Variants in CPLANE1 observed in about 807,000 individuals in gnomAD.
The protein encoded by CPLANE1 is ciliogenesis and planar polarity effector complex subunit 1, also known as ciliogenesis and planar polarity effector 1.
A neutral mutation model predicts 362.5 loss-of-function variants in CPLANE1; 263 were observed. The observed-to-expected ratio is 0.73, with a 90% CI of 0.66 to 0.80. The LOEUF (loss-of-function observed/expected upper bound fraction) is 0.80, where lower values mean the gene tolerates loss of function less well. Among genes scored for constraint, CPLANE1 ranks in the 30% least tolerant of loss-of-function variants. The probability of loss-of-function intolerance (pLI) is 0.00; values close to 1 mark genes in which losing one functional copy is unlikely to be tolerated. For synonymous variants in CPLANE1, 1,212 were observed against 1,302.6 expected, an observed-to-expected ratio of 0.93 and a Z score of 1.50; for missense variants, 3,461 against 3,793.4, an observed-to-expected ratio of 0.91 and a Z score of 2.30.
At chr5:37,084,583 C>A in the CPLANE1 span, among the ~76,000 whole-genome samples, 53 of 152,002 alleles carry the variant, frequency 3.5e-4, 1 homozygote, top group East Asian at 0.01. Flanking sequence ...TTTGTGAGAC[C>A]AGCCTGACCA....
chr5:37,162,678 T>C, intron 37 of CPLANE1, 112 bp from the exon 38 acceptor site: 1 of 696,704 alleles, frequency 1.4e-6, no homozygotes, highest in East Asian at 2.7e-5. Context: ...GTCAGGATGT[T>C]ATTAAATTTT....
intron 34 of CPLANE1, among the ~76,000 whole-genome samples, chr5:37,167,838 A>C (rs902543894): frequency 6.6e-6 from 1 of 152,192 alleles, no homozygotes; most frequent in African/African-American, 2.4e-5. Context: ...TCCAGCATTT[A>C]ACTTAAAATT....
intron 4 of CPLANE1, among the ~76,000 whole-genome samples, chr5:37,244,812 G>A (rs760723891): frequency 3.3e-5 from 5 of 152,054 alleles, no homozygotes; most frequent in Non-Finnish European, 5.9e-5. Context: ...TTAAGGAGAC[G>A]GATCGCTTTA....
chr5:37,139,563 T>A (rs2150368675), intron 44 of CPLANE1, 193 bp from the exon 45 acceptor site: 1 of 1,083,768 alleles, frequency 9.2e-7, no homozygotes, highest in East Asian at 4.9e-5. Flanking sequence ...ACTGTCTACA[T>A]ATTTTTTGAG....
rs1458270148 is a variant in CPLANE1, at chr5:37,120,245, C to T, written c.9281G>A (p.Gly3094Glu). 6.2e-7 allele frequency: 1 copy of T among 1,603,518 alleles called. No homozygotes were observed. The highest frequency in any genetic ancestry group is 8.5e-7 in the Non-Finnish European group (1 of 1,177,246). Reference sequence around the variant, plus strand: ...TGGCCAAGGTGAGCCTTGAGGTTGCCCAAAAGACTTCCTCTTATGGATATA... The same window carrying T: ...TGGCCAAGGTGAGCCTTGAGGTTGCTCAAAAGACTTCCTCTTATGGATATA... The part of the protein sequence containing the change: ...PSYIHKRKSF[G>E]QPQGSPWPHG... Residue 3094 changes from glycine to glutamate, a missense_variant, in exon 50 of 53, where the codon GGG becomes GAG. Physicochemically the swap from Gly to Glu is moderately conservative, Grantham distance 98. Coordinates refer to ENST00000651892, the MANE Select transcript of CPLANE1 (RefSeq NM_001384732.1).
intron 46 of CPLANE1, among the ~76,000 whole-genome samples, chr5:37,129,680 T>TA (rs1322031210): frequency 6.6e-6 from 1 of 151,868 alleles, no homozygotes; most frequent in Non-Finnish European, 1.5e-5. Context: ...GAAATGCAAA[T>TA]AAAAAACCAC....
chr5:37,105,975 C>T (rs1757574079), downstream of CPLANE1, among the ~76,000 whole-genome samples: 1 of 152,058 alleles, frequency 6.6e-6, no homozygotes, highest in African/African-American at 2.4e-5. Context: ...CGCTGCACCC[C>T]AGTTAAAATG....
intron 47 of CPLANE1, 58 bp downstream of exon 47, chr5:37,125,186 C>A: frequency 1.3e-6 from 2 of 1,512,594 alleles, no homozygotes; most frequent in Non-Finnish European, 1.8e-6. Flanking sequence ...TAAAATTTTG[C>A]CAGGAAAGTA....
intron 15 of CPLANE1, 83 bp downstream of exon 15, chr5:37,221,241 C>T: frequency 1.2e-6 from 1 of 836,360 alleles, no homozygotes; most frequent in African/African-American, 1.8e-5. Context: ...ATTACTTGAG[C>T]TCAGGGGTTT....
chr5:37,243,195 T>C, intron 5 of CPLANE1, 76 bp from the exon 6 acceptor site: 1 of 783,762 alleles, frequency 1.3e-6, no homozygotes, highest in East Asian at 3.0e-5. Context: ...CATATATATA[T>C]TCCTCATCAT....
chr5:37,240,999 G>A (rs986727419), intron 6 of CPLANE1, among the ~76,000 whole-genome samples: 2 of 151,616 alleles, frequency 1.3e-5, no homozygotes, highest in Admixed American at 1.3e-4. Context: ...AGCCAGCCGT[G>A]GGGGTGCGCA....
At chr5:37,115,134 T>A in intron 50 of CPLANE1, 85 bp from the exon 51 acceptor site, 1 of 887,822 alleles carries the variant, frequency 1.1e-6, no homozygotes, top group Non-Finnish European at 1.8e-6. Context: ...GACAGACACC[T>A]TGGTGATCAG....
At chr5:37,162,342 G>C in intron 38 of CPLANE1, 123 bp downstream of exon 38, 1 of 624,014 alleles carries the variant, frequency 1.6e-6, no homozygotes, top group East Asian at 2.8e-5. Flanking sequence ...GAAAAATCTA[G>C]GCAGAGTAAA....
chr5:37,208,917 G>A (rs1404708286), intron 16 of CPLANE1, among the ~76,000 whole-genome samples: 5 of 149,286 alleles, frequency 3.3e-5, no homozygotes, highest in African/African-American at 1.0e-4. Flanking sequence ...TTGCAGTTAG[G>A]ATAAATCTGT....
intron 24 of CPLANE1, among the ~76,000 whole-genome samples, chr5:37,185,639 A>C (rs978413520): frequency 6.6e-6 from 1 of 152,162 alleles, no homozygotes; most frequent in Non-Finnish European, 1.5e-5. Context: ...CAAATACAAT[A>C]TATTAATAGA....
intron 7 of CPLANE1, among the ~76,000 whole-genome samples, chr5:37,239,274 C>T (rs1207753919): frequency 6.6e-6 from 1 of 152,032 alleles, no homozygotes; most frequent in Non-Finnish European, 1.5e-5. Flanking sequence ...GGATTAAACA[C>T]CACCAACTTA....
At position 37,221,334 on chromosome 5, in the gene CPLANE1, T is replaced by C; in HGVS notation, c.2736A>G (p.Lys912=). 1 of 1,491,514 alleles carries C rather than the reference T, an allele frequency of 6.7e-7. No homozygotes were observed. Among genetic ancestry groups the C allele is most frequent in the Non-Finnish European group, 8.9e-7 (1 of 1,126,078 alleles). 92.4% of individuals were successfully genotyped at this position (1,491,514 alleles called of 1,614,324 possible). A position where few individuals can be genotyped will look rare whatever the true frequency, so the allele number is the denominator to read the frequency against. Residue 912 remains lysine (K), a synonymous_variant, in exon 15 of 53, where the codon AAA becomes AAG. Coordinates refer to ENST00000651892, the MANE Select transcript of CPLANE1 (RefSeq NM_001384732.1). ...AAAAAAAAAGCATACCTGAAAAATCTTTATTTTCTTTTACAGGTAGTTGGG... is the reference window on the plus strand; with the variant it reads ...AAAAAAAAAGCATACCTGAAAAATCCTTATTTTCTTTTACAGGTAGTTGGG... ...RWSQLPVKEN[K]DFSGAAKSHF...
chr5:37,166,819 T>C (rs987901328), intron 35 of CPLANE1, among the ~76,000 whole-genome samples: 1 of 152,116 alleles, frequency 6.6e-6, no homozygotes, highest in Non-Finnish European at 1.5e-5. Context: ...AGTCTATGAA[T>C]GGTAGGAAAG....
rs1436104773 is a variant in CPLANE1 at position 37,106,884 on chromosome 5, T to C, written c.*718A>G. ...ATTATCTCTTAAAACTATGACATTA[T>C]TGGAGCACAATACCAAAAACTAATC... is the stretch of plus-strand genomic sequence containing the variant. On this transcript the variant is annotated 3_prime_UTR_variant, in exon 53 of 53. Coordinates refer to ENST00000651892, the MANE Select transcript of CPLANE1 (RefSeq NM_001384732.1). The C allele has an allele frequency of 1.0e-6, 1 of 985,126 alleles. No homozygotes were observed. The highest frequency in any genetic ancestry group is 6.2e-5 in the Admixed American group (1 of 16,258). 61.0% of individuals were successfully genotyped at this position (985,126 alleles called of 1,614,324 possible). A position where few individuals can be genotyped will look rare whatever the true frequency, so the allele number is the denominator to read the frequency against.
Sources: allele counts gnomAD v4.1 joint callset (sites outside exome capture counted in the v4.1 genomes callset), GRCh38; gene constraint gnomAD v4.1.1; transcripts MANE v1.5; gene names NCBI Gene and HGNC (gene_info 2026-07-23, HGNC 2026-07-21).